MAP2: variants seen among roughly 807,000 people sequenced by gnomAD.
MAP2 encodes microtubule-associated protein 2.
Under a neutral mutation model 137.6 loss-of-function variants are expected in MAP2, and 14 were observed. That is an observed-to-expected ratio of 0.10 (90% CI 0.07 to 0.16). MAP2 has a LOEUF of 0.16. MAP2 is among the 10% of genes least tolerant of loss of function. The pLI is 1.00. For missense variants in MAP2, 2,088 were observed against 2,191.5 expected (o/e 0.95, Z 0.94); for synonymous variants, 786 against 782.3 (o/e 1.00, Z -0.08).
chr2:209,615,007 C>G (rs1032894146), intron 3 of MAP2, among the ~76,000 whole-genome samples: 3 of 152,174 alleles, frequency 2.0e-5, no homozygotes, highest in Admixed American at 2.0e-4. Context: ...GTAGCACAGC[C>G]TGTATTTCCC....
At chr2:209,463,536 C>G (rs1376026251) in intron 1 of MAP2, among the ~76,000 whole-genome samples, 1 of 152,054 alleles carries the variant, frequency 6.6e-6, no homozygotes, top group Non-Finnish European at 1.5e-5. Flanking sequence ...GAAATCAAGG[C>G]ATGCTTATTA....
intron 2 of MAP2, among the ~76,000 whole-genome samples, chr2:209,522,923 A>T (rs1180138382): frequency 6.6e-6 from 1 of 152,182 alleles, no homozygotes; most frequent in Non-Finnish European, 1.5e-5. Context: ...TGACTCTAAT[A>T]AATTTACAGT....
At chr2:209,429,978 AC>A (rs1693797141) in intron 1 of MAP2, among the ~76,000 whole-genome samples, 1 of 151,892 alleles carries the variant, frequency 6.6e-6, no homozygotes, top group Admixed American at 6.6e-5. Flanking sequence ...TGGGTATTGT[AC>A]CTCTCAAATT....
chr2:209,592,414 A>G (rs761911091), intron 3 of MAP2, among the ~76,000 whole-genome samples: 29 of 152,048 alleles, frequency 1.9e-4, no homozygotes, highest in Non-Finnish European at 3.1e-4. Context: ...ATCTCATGTT[A>G]TCTTTTCTGT....
In MAP2 at chr2:209,700,337, C is replaced by T; in HGVS notation, c.4583C>T (p.Ser1528Phe). The T allele has an allele frequency of 6.2e-7, 1 of 1,610,706 alleles. No individual in the cohort carries two copies. Among genetic ancestry groups the T allele is most frequent in the Non-Finnish European group, 8.5e-7 (1 of 1,177,858 alleles). Residue 1528 changes from serine (S) to phenylalanine (F), a missense_variant and splice_region_variant, in exon 11 of 16, where the codon TCT becomes TTT. This residue lies in a region of MAP2 where 591 missense variants were observed against 642.6 expected (regional missense o/e 0.92). Coordinates refer to ENST00000682079, the MANE Select transcript of MAP2 (RefSeq NM_001375505.1). ...SVFKQAKDKV[S>F]DGVTKSPEKR... is the part of the protein sequence containing the mutation. ...TTTAAACAGGCAAAGGACAAAGTCT[C>T]TGTGAGTAAAATAAGTTTTTCCTTG...
intron 1 of MAP2, among the ~76,000 whole-genome samples, chr2:209,462,151 A>G (rs1702983077): frequency 6.6e-6 from 1 of 152,210 alleles, no homozygotes; most frequent in African/African-American, 2.4e-5. Flanking sequence ...ACAACTATGA[A>G]ACGTTTTGTT....
chr2:209,447,272 T>C lies in MAP2; in HGVS notation c.-222+22996T>C, dbSNP rs966515003. On this transcript the variant is annotated intron_variant, in intron 1 of 15. Coordinates refer to ENST00000682079, the MANE Select transcript of MAP2 (RefSeq NM_001375505.1). ...ATGTGGCTTTTTAGTGGCTCACAAG[T>C]CTGCAGACTTGATTTTAGGAAAGAG... Among the ~76,000 whole-genome samples, 9 of 152,022 alleles carry C rather than the reference T, an allele frequency of 5.9e-5. 1 individual carries two copies. The East Asian group carries it at 1.5e-3, about 26-fold the overall frequency.
chr2:209,632,699 G>A (rs570486464), intron 4 of MAP2, among the ~76,000 whole-genome samples: 29 of 152,130 alleles, frequency 1.9e-4, no homozygotes, highest in African/African-American at 6.0e-4. Flanking sequence ...ATGTATCTCC[G>A]TTGCTATCCA....
intron 11 of MAP2, chr2:209,704,449 G>GA: frequency 6.3e-7 from 1 of 1,598,766 alleles, no homozygotes; most frequent in Non-Finnish European, 8.5e-7. Context: ...TTCATGGCTA[G>GA]AATTCTACCT....
chr2:209,669,257 A>G (rs2047702937), intron 5 of MAP2, among the ~76,000 whole-genome samples: 1 of 152,094 alleles, frequency 6.6e-6, no homozygotes, highest in African/African-American at 2.4e-5. Context: ...CTGATTACGC[A>G]GAAGTCATGT....
At chr2:209,586,519 C>T (rs1322857047) in intron 3 of MAP2, among the ~76,000 whole-genome samples, 1 of 152,126 alleles carries the variant, frequency 6.6e-6, no homozygotes, top group Non-Finnish European at 1.5e-5. Flanking sequence ...TTCCCGTTTC[C>T]TGCCCTTATG....
intron 2 of MAP2, among the ~76,000 whole-genome samples, chr2:209,527,168 C>T (rs184834632): frequency 1.2e-4 from 19 of 152,178 alleles, no homozygotes; most frequent in Non-Finnish European, 1.6e-4. Flanking sequence ...TGGTGGACAT[C>T]GTTCCTGTAT....
intron 3 of MAP2, among the ~76,000 whole-genome samples, chr2:209,590,357 T>G (rs1490750700): frequency 6.6e-6 from 1 of 152,146 alleles, no homozygotes; most frequent in Non-Finnish European, 1.5e-5. Flanking sequence ...TTTTTTGAGA[T>G]GAGATTTCAC....
At chr2:209,488,003 C>T (rs560029771) in intron 1 of MAP2, among the ~76,000 whole-genome samples, 4 of 152,314 alleles carry the variant, frequency 2.6e-5, no homozygotes, top group South Asian at 4.1e-4. Flanking sequence ...CTGGGCAAGA[C>T]GGCCAAACAG....
rs974283841 is a variant in MAP2 at position 209,731,994 on chromosome 2, C to T, written c.*1597C>T. On this transcript the variant is annotated 3_prime_UTR_variant, in exon 16 of 16. Coordinates refer to ENST00000682079, the MANE Select transcript of MAP2 (RefSeq NM_001375505.1). Reference sequence around the variant, plus strand: ...CCTCTCACAAATCATTCATCTTAGACTTACAAATAAGGAATGAAATAGTCA... The same window carrying T: ...CCTCTCACAAATCATTCATCTTAGATTTACAAATAAGGAATGAAATAGTCA... 2 of 152,154 alleles carry T rather than the reference C, an allele frequency of 1.3e-5. No homozygotes were observed. 9.4% of individuals were successfully genotyped at this position (152,154 alleles called of 1,614,324 possible). A position where few individuals can be genotyped will look rare whatever the true frequency, so the allele number is the denominator to read the frequency against.
intron 11 of MAP2, among the ~76,000 whole-genome samples, chr2:209,705,216 C>A (rs1482443668): frequency 2.6e-5 from 4 of 151,990 alleles, no homozygotes; most frequent in Non-Finnish European, 4.4e-5. Flanking sequence ...AAATATTATG[C>A]ATGCAGTGAG....
intron 11 of MAP2, chr2:209,704,048 T>C (rs1319435891): frequency 4.4e-6 from 2 of 454,890 alleles, no homozygotes; most frequent in Admixed American, 4.7e-5. Flanking sequence ...TGAGCTTATA[T>C]TGATTCCATC....
chr2:209,690,695 C>G, intron 7 of MAP2: 1 of 1,289,730 alleles, frequency 7.8e-7, no homozygotes, highest in South Asian at 1.2e-5. Flanking sequence ...CTCAGACCAA[C>G]CCAAGGGCCT....
At chr2:209,436,632 A>G (rs554772361) in intron 1 of MAP2, among the ~76,000 whole-genome samples, 69 of 151,796 alleles carry the variant, frequency 4.5e-4, no homozygotes, top group African/African-American at 1.6e-3. Context: ...TAGTTAATAT[A>G]TTTCCCTTTA....
Sources: allele counts gnomAD v4.1 joint callset (sites outside exome capture counted in the v4.1 genomes callset), GRCh38; gene constraint gnomAD v4.1.1; regional missense constraint gnomAD v4.1.1; transcripts MANE v1.5; gene names NCBI Gene and HGNC (gene_info 2026-07-23, HGNC 2026-07-21).